The following PTPRD variants were observed in gnomAD, a reference collection of about 807,000 sequenced individuals.
PTPRD encodes the protein protein tyrosine phosphatase receptor type D.
Under a neutral mutation model 214.5 loss-of-function variants are expected in PTPRD, and 34 were observed. That is an observed-to-expected ratio of 0.16 (90% CI 0.12 to 0.21). The LOEUF (loss-of-function observed/expected upper bound fraction) is 0.21. Ranked by LOEUF, PTPRD falls within the 10% of genes least tolerant of loss-of-function variation. PTPRD has a pLI of 1.00. For missense variants in PTPRD, 2,545 were observed against 2,398.7 expected (o/e 1.06, Z -1.27); for synonymous variants, 1,128 against 845.7 (o/e 1.33, Z -5.79).
chr9:8,827,128 T>C (rs1314653175), intron 11 of PTPRD, among the ~76,000 whole-genome samples: 1 of 151,982 alleles, frequency 6.6e-6, no homozygotes, highest in Non-Finnish European at 1.5e-5. Flanking sequence ...ACTACACTTC[T>C]GATAAAATAT....
intron 9 of PTPRD, among the ~76,000 whole-genome samples, chr9:9,257,947 A>T (rs1334580303): frequency 6.6e-6 from 1 of 151,984 alleles, no homozygotes; most frequent in Non-Finnish European, 1.5e-5. Context: ...ATTAAAGAAC[A>T]TTTACTCTTC....
chr9:8,779,462 T>G (rs1207508403), intron 11 of PTPRD, among the ~76,000 whole-genome samples: 1 of 152,098 alleles, frequency 6.6e-6, no homozygotes, highest in African/African-American at 2.4e-5. Context: ...GTCCCGGGGT[T>G]GGGTTTCCAT....
chr9:9,767,089 C>T lies in PTPRD; in HGVS notation c.-367-238G>A, dbSNP rs560687597. Among the ~76,000 whole-genome samples the T allele has an allele frequency of 4.7e-3, 706 of 151,568 alleles. 6 individuals carry two copies. The highest frequency in any genetic ancestry group is 0.017 in the Middle Eastern group (5 of 292). On this transcript the variant is annotated intron_variant, in intron 5 of 45. Coordinates refer to ENST00000381196, the MANE Select transcript of PTPRD (RefSeq NM_002839.4). ...TACTTCATAATTTGAACCCAAAGGA[C>T]TTCTGTTCCTTTATGTCTTAAAATA...
chr9:9,458,658 A>G (rs1314451694), intron 8 of PTPRD, among the ~76,000 whole-genome samples: 1 of 152,068 alleles, frequency 6.6e-6, no homozygotes, highest in East Asian at 1.9e-4. Context: ...AAAGACAAAA[A>G]TGACCAAGTA....
At chr9:9,182,499 G>A (rs1463794349) in intron 10 of PTPRD, among the ~76,000 whole-genome samples, 1 of 151,922 alleles carries the variant, frequency 6.6e-6, no homozygotes, top group African/African-American at 2.4e-5. Flanking sequence ...TTTATTACGA[G>A]ATAATAGTCT....
At chr9:8,891,535 T>A (rs1566858916) in intron 11 of PTPRD, among the ~76,000 whole-genome samples, 1 of 152,192 alleles carries the variant, frequency 6.6e-6, no homozygotes, top group South Asian at 2.1e-4. Flanking sequence ...ATTTGTTATA[T>A]GCACAAGTTA....
intron 35 of PTPRD, among the ~76,000 whole-genome samples, chr9:8,418,334 C>T (rs1442303957): frequency 1.3e-5 from 2 of 151,960 alleles, no homozygotes; most frequent in South Asian, 2.1e-4. Flanking sequence ...TCCATGTGTG[C>T]CACTATCATG....
At chr9:10,229,661 A>G (rs1413233928) in intron 3 of PTPRD, among the ~76,000 whole-genome samples, 1 of 130,338 alleles carries the variant, frequency 7.7e-6, no homozygotes, top group Non-Finnish European at 1.6e-5. Context: ...ATGAGAACAC[A>G]TGGACATAGA....
intron 6 of PTPRD, among the ~76,000 whole-genome samples, chr9:9,761,745 C>A (rs2098659044): frequency 6.6e-6 from 1 of 151,972 alleles, no homozygotes; most frequent in South Asian, 2.1e-4. Flanking sequence ...TAAAAAAAAA[C>A]TATTCATTAT....
chr9:9,929,162 G>GCT (rs1203706186), intron 5 of PTPRD, among the ~76,000 whole-genome samples: 3 of 152,092 alleles, frequency 2.0e-5, no homozygotes, highest in Admixed American at 6.5e-5. Context: ...GTGTTTGTTA[G>GCT]CTCCCACATT....
chr9:8,719,110 T>C (rs1057293613), intron 12 of PTPRD, among the ~76,000 whole-genome samples: 6 of 152,156 alleles, frequency 3.9e-5, no homozygotes, highest in African/African-American at 1.4e-4. Context: ...TGTAATACTT[T>C]CCAGCACTTT....
At chr9:10,561,366 C>G (rs1023354299) in intron 2 of PTPRD, among the ~76,000 whole-genome samples, 15 of 151,916 alleles carry the variant, frequency 9.9e-5, no homozygotes, top group Admixed American at 5.2e-4. Flanking sequence ...GGAGTAGTCT[C>G]AGATTCCCTT....
chr9:8,339,032 A>G lies in PTPRD; in HGVS notation c.5269T>C (p.Tyr1757His). Residue 1757 changes from tyrosine to histidine, a missense_variant, in exon 43 of 46, where the codon TAC (tyrosine) becomes CAC (histidine). Coordinates refer to ENST00000381196, the MANE Select transcript of PTPRD (RefSeq NM_002839.4). ...CTTGCAGACCGTTCTGCTGGCCAGT[A>G]TTGGTGACATTTCTCCTAAAAGGAG... Reference protein sequence around the residue: ...REMGREKCHQYWPAERSARYQ... With the variant: ...REMGREKCHQHWPAERSARYQ... The G allele has an allele frequency of 6.2e-7, 1 of 1,611,612 alleles. No homozygotes were observed. Among genetic ancestry groups the G allele is most frequent in the South Asian group, 1.1e-5 (1 of 90,948 alleles).
At chr9:10,067,140 G>T (rs1425252936) in intron 3 of PTPRD, among the ~76,000 whole-genome samples, 1 of 151,850 alleles carries the variant, frequency 6.6e-6, no homozygotes, top group African/African-American at 2.4e-5. Flanking sequence ...GCAGTGCTTG[G>T]CATTGTGAAT....
chr9:10,026,913 C>A (rs1472607139), intron 4 of PTPRD, among the ~76,000 whole-genome samples: 1 of 151,428 alleles, frequency 6.6e-6, no homozygotes, highest in Admixed American at 6.6e-5. Context: ...TGCAACACAC[C>A]ACTAAACCTG....
chr9:10,482,660 T>C (rs2099108282), intron 2 of PTPRD, among the ~76,000 whole-genome samples: 1 of 152,104 alleles, frequency 6.6e-6, no homozygotes, highest in Non-Finnish European at 1.5e-5. Context: ...AGCACTGTTA[T>C]ACACCAACAA....
At chr9:8,979,880 G>A (rs2099299379) in intron 11 of PTPRD, among the ~76,000 whole-genome samples, 1 of 152,008 alleles carries the variant, frequency 6.6e-6, no homozygotes, top group South Asian at 2.1e-4. Flanking sequence ...CAAAGAAGAT[G>A]AAATCACCAC....
chr9:10,210,893 GT>G (rs896476166), intron 3 of PTPRD, among the ~76,000 whole-genome samples: 6 of 144,722 alleles, frequency 4.1e-5, no homozygotes, highest in Non-Finnish European at 6.0e-5. Context: ...TTCTTTCCAG[GT>G]TTGCAAGTTC....
intron 11 of PTPRD, among the ~76,000 whole-genome samples, chr9:8,972,575 G>A (rs893275828): frequency 2.0e-5 from 3 of 151,686 alleles, no homozygotes; most frequent in Non-Finnish European, 4.4e-5. Context: ...CAAATTAAAT[G>A]GAAGTGAATA....
Sources: allele counts gnomAD v4.1 joint callset (sites outside exome capture counted in the v4.1 genomes callset), GRCh38; gene constraint gnomAD v4.1.1; transcripts MANE v1.5; gene names NCBI Gene and HGNC (gene_info 2026-07-23, HGNC 2026-07-21).